NRXN3: variants seen among roughly 807,000 people sequenced by gnomAD.
The protein encoded by NRXN3 is neurexin 3, also known as neurexin III.
A neutral mutation model predicts 137.6 loss-of-function variants in NRXN3; 32 were observed. The ratio of observed to expected loss-of-function variants is 0.23; its 90% confidence interval spans 0.18 to 0.31. NRXN3 has a LOEUF of 0.31. Among genes scored for constraint, NRXN3 ranks in the 10% least tolerant of loss-of-function variants. The pLI is 1.00. For missense variants in NRXN3, 1,574 were observed against 2,062.5 expected (o/e 0.76, Z 4.59); for synonymous variants, 798 against 784.5 (o/e 1.02, Z -0.29).
intron 4 of NRXN3, among the ~76,000 whole-genome samples, chr14:78,490,704 G>A (rs1304154601): frequency 6.6e-6 from 1 of 152,192 alleles, no homozygotes; most frequent in African/African-American, 2.4e-5. Context: ...ATACTCTGCA[G>A]CAGACCCACT....
At chr14:79,329,007 A>G (rs926406620) in intron 15 of NRXN3, among the ~76,000 whole-genome samples, 2 of 152,150 alleles carry the variant, frequency 1.3e-5, no homozygotes, top group Admixed American at 1.3e-4. Flanking sequence ...TGGAAGTAAC[A>G]TGAGTAAGAA....
intron 19 of NRXN3, among the ~76,000 whole-genome samples, chr14:79,791,649 C>G (rs1002791183): frequency 6.6e-6 from 1 of 151,658 alleles, no homozygotes; most frequent in African/African-American, 2.4e-5. Context: ...GCTTTCCCCC[C>G]AACTTGCCAC....
intron 1 of NRXN3, among the ~76,000 whole-genome samples, chr14:78,193,578 A>G (rs2060939911): frequency 6.6e-6 from 1 of 152,142 alleles, no homozygotes; most frequent in Admixed American, 6.5e-5. Context: ...CCGGGACAAC[A>G]TGGTGAAACC....
At chr14:79,115,191 G>A (rs1418853266) in intron 15 of NRXN3, among the ~76,000 whole-genome samples, 1 of 152,028 alleles carries the variant, frequency 6.6e-6, no homozygotes, top group Non-Finnish European at 1.5e-5. Context: ...CAGACGTGGT[G>A]GCACATGCCT....
At chr14:78,775,749 A>G (rs2153009581) in intron 8 of NRXN3, among the ~76,000 whole-genome samples, 1 of 152,324 alleles carries the variant, frequency 6.6e-6, no homozygotes, top group East Asian at 1.9e-4. Flanking sequence ...TCAATTTGTT[A>G]AACAAGGCCA....
At chr14:79,084,786 G>A (rs2152774884) in intron 15 of NRXN3, among the ~76,000 whole-genome samples, 1 of 152,210 alleles carries the variant, frequency 6.6e-6, no homozygotes, top group East Asian at 1.9e-4. Flanking sequence ...GTTCGTAGGT[G>A]ACACCAGTTG....
chr14:78,614,382 A>G (rs2097328135), intron 4 of NRXN3, among the ~76,000 whole-genome samples: 2 of 152,352 alleles, frequency 1.3e-5, no homozygotes, highest in Admixed American at 1.3e-4. Flanking sequence ...AATCTAGTGA[A>G]AAAGCCTACT....
intron 4 of NRXN3, among the ~76,000 whole-genome samples, chr14:78,580,015 T>C (rs1009619892): frequency 1.3e-5 from 2 of 152,144 alleles, no homozygotes; most frequent in Admixed American, 6.5e-5. Flanking sequence ...GAGTTAATAA[T>C]CTGAAGATAT....
At chr14:79,845,964 G>A (rs1034587443) in intron 20 of NRXN3, among the ~76,000 whole-genome samples, 6 of 152,082 alleles carry the variant, frequency 3.9e-5, no homozygotes, top group Non-Finnish European at 8.8e-5. Context: ...GAGAGATGGA[G>A]GAAGGGCAGG....
intron 4 of NRXN3, among the ~76,000 whole-genome samples, chr14:78,388,587 C>G (rs2153638549): frequency 6.6e-6 from 1 of 152,126 alleles, no homozygotes; most frequent in East Asian, 1.9e-4. Flanking sequence ...TCATTTGTTT[C>G]CATATTTTTT....
intron 1 of NRXN3, among the ~76,000 whole-genome samples, chr14:78,194,845 C>A (rs190822254): frequency 6.6e-6 from 1 of 152,218 alleles, no homozygotes; most frequent in African/African-American, 2.4e-5. Context: ...CAGCAATCTA[C>A]GCCCCGGCTG....
At chr14:78,929,410 A>C (rs2099315375) in intron 10 of NRXN3, among the ~76,000 whole-genome samples, 1 of 152,020 alleles carries the variant, frequency 6.6e-6, no homozygotes, top group South Asian at 2.1e-4. Flanking sequence ...CTATTTATTC[A>C]TATGTTCACA....
intron 16 of NRXN3, among the ~76,000 whole-genome samples, chr14:79,657,309 C>A (rs1034415459): frequency 6.6e-6 from 1 of 152,132 alleles, no homozygotes; most frequent in South Asian, 2.1e-4. Context: ...TCTTCTAGAA[C>A]ACAAAGTAGA....
At chr14:79,774,419 T>C (rs1372382937) in intron 19 of NRXN3, among the ~76,000 whole-genome samples, 1 of 152,186 alleles carries the variant, frequency 6.6e-6, no homozygotes, top group Non-Finnish European at 1.5e-5. Context: ...TTCCCTCTCA[T>C]TTCTATATAA....
At chr14:79,209,187 C>G (rs1224388769) in intron 15 of NRXN3, among the ~76,000 whole-genome samples, 3 of 152,152 alleles carry the variant, frequency 2.0e-5, no homozygotes, top group Non-Finnish European at 4.4e-5. Flanking sequence ...ATCTACCTGA[C>G]TCTGCCTCCC....
At chr14:78,746,255 C>A (rs895501027) in intron 8 of NRXN3, among the ~76,000 whole-genome samples, 1 of 152,264 alleles carries the variant, frequency 6.6e-6, no homozygotes, top group Admixed American at 6.5e-5. Flanking sequence ...GATTTCTAAT[C>A]AGATTAGAAA....
intron 19 of NRXN3, among the ~76,000 whole-genome samples, chr14:79,713,137 C>CTAAT (rs1411702830): frequency 7.3e-6 from 1 of 136,290 alleles, no homozygotes; most frequent in Admixed American, 7.5e-5. Context: ...AGTTTGGTGT[C>CTAAT]TAATTCCTTG....
chr14:79,527,853 A>G lies in NRXN3; in HGVS notation c.3444+60451A>G, dbSNP rs1394915654. 6.2e-5 allele frequency among the ~76,000 whole-genome samples: 9 copies of G among 145,276 alleles called. 1 individual carries two copies. In the East Asian group the frequency reaches 1.8e-3, roughly 30 times the overall value. ...GCCACTGTACTCCAGCCTGGGCGAC[A>G]GAATGAGACTCCTTCGCCAAAAAAA... is the stretch of plus-strand genomic sequence containing the variant. On this transcript the variant is annotated intron_variant, in intron 16 of 20. Coordinates refer to ENST00000335750, the MANE Select transcript of NRXN3 (RefSeq NM_001330195.2).
At chr14:79,858,843 G>T (rs2099408271) in intron 20 of NRXN3, among the ~76,000 whole-genome samples, 2 of 152,044 alleles carry the variant, frequency 1.3e-5, no homozygotes, top group Non-Finnish European at 1.5e-5. Flanking sequence ...AAAAAAGTTT[G>T]CTCAGAGTTA....
Sources: gnomAD v4.1 joint callset for allele counts (sites outside exome capture counted in the v4.1 genomes callset) on GRCh38, gnomAD v4.1.1 for gene constraint, MANE v1.5 for transcripts, NCBI Gene and HGNC (gene_info 2026-07-23, HGNC 2026-07-21) for gene names.